Variants in CYP1B1 observed in about 807,000 individuals in gnomAD.
CYP1B1 encodes the protein cytochrome P450 family 1 subfamily B member 1.
Under a neutral mutation model 29.9 loss-of-function variants are expected in CYP1B1, and 22 were observed. That is an observed-to-expected ratio of 0.74 (90% CI 0.53 to 1.05). The LOEUF is 1.05. Among genes scored for constraint, CYP1B1 ranks in the 50% least tolerant of loss-of-function variants. The pLI is 0.00. For synonymous variants in CYP1B1, 375 were observed against 320.0 expected (o/e 1.17, Z -1.83); for missense variants, 883 against 746.9 (o/e 1.18, Z -2.12).
At position 38,070,184 on chromosome 2, in the gene CYP1B1, A is replaced by G. The variant is rs1030285578; in HGVS notation, c.*538T>C. 3 of 227,402 alleles carry G rather than the reference A, an allele frequency of 1.3e-5. No individual in the cohort carries two copies. The highest frequency in any genetic ancestry group is 2.2e-5 in the African/African-American group (1 of 44,832). The allele number at this position is 227,402 out of a possible 1,614,324, so 14.1% of individuals were successfully genotyped here. Reference sequence around the variant, plus strand: ...TCTAAGTTATTTTCCTGAAAAGGTGAAAAGGGAATTTCTGGTCTTTATCTT... The same window carrying G: ...TCTAAGTTATTTTCCTGAAAAGGTGGAAAGGGAATTTCTGGTCTTTATCTT... On this transcript the variant is annotated 3_prime_UTR_variant, in exon 3 of 3. Coordinates refer to ENST00000610745, the MANE Select transcript of CYP1B1 (RefSeq NM_000104.4).
In CYP1B1 at chr2:38,075,067, C is replaced by T; in HGVS notation, c.322G>A (p.Val108Met). 6.3e-7 allele frequency: 1 copy of T among 1,584,756 alleles called. No individual in the cohort carries two copies. Among genetic ancestry groups the T allele is most frequent in the Non-Finnish European group, 8.5e-7 (1 of 1,173,360 alleles). ...TCGGCGAAGGCCGAGCCCTGCTGCA[C>T]CAGGGCCTGGTGGATGGCGCGCTCG... ...NGERAIHQAL[V>M]QQGSAFADRP... The change falls in exon 2 of 3, where the codon GTG becomes ATG. Residue 108 changes from valine to methionine, a missense_variant. Coordinates refer to ENST00000610745, the MANE Select transcript of CYP1B1 (RefSeq NM_000104.4).
At chr2:38,074,196 C>T in intron 2 of CYP1B1, 150 bp downstream of exon 2, 1 of 871,626 alleles carries the variant, frequency 1.1e-6, no homozygotes, top group Non-Finnish European at 1.8e-6. Flanking sequence ...ACTGTGAGTC[C>T]CTTTACCGAC....
rs72549379 is a variant in CYP1B1, at chr2:38,071,264, C to T, written c.1090G>A (p.Val364Met). The T allele has an allele frequency of 2.0e-5, 32 of 1,612,972 alleles. No homozygotes were observed. In the East Asian group the frequency reaches 5.8e-4, roughly 29 times the overall value. The change falls in exon 3 of 3, where the codon GTG (valine) becomes ATG (methionine). Residue 364 changes from valine (V) to methionine (M), a missense_variant. Val to Met is a conservative substitution (Grantham distance 21, BLOSUM62 1). Transcript: ENST00000610745. ...ATACAAGGCAGACGGTCCCTCCCCA[C>T]GACCTGATCCAATTCTGCCTGCACT... is the stretch of plus-strand genomic sequence containing the variant. ...TRVQAELDQV[V>M]GRDRLPCMGD...
chr2:38,075,790 G>C lies in CYP1B1; in HGVS notation c.-12C>G, dbSNP rs1335563793. On this transcript the variant is annotated 5_prime_UTR_variant, in exon 1 of 3. Transcript: ENST00000610745. ...GGCAGACAGACTGACCTGCGGGGAG[G>C]TGCGGTTTCCAGTGGCGCGGGACAG... The C allele has an allele frequency of 3.8e-6, 1 of 263,948 alleles. No homozygotes were observed. Among genetic ancestry groups the C allele is most frequent in the East Asian group, 9.4e-5 (1 of 10,650 alleles). The allele number at this position is 263,948 out of a possible 1,614,324, so 16.4% of individuals were successfully genotyped here.
rs1682422216 is a variant in CYP1B1 at position 38,071,051 on chromosome 2, G to T, written c.1303C>A (p.Pro435Thr). Residue 435 changes from proline to threonine, a missense_variant, in exon 3 of 3, where the codon CCT becomes ACT. Physicochemically the swap from Pro to Thr is conservative, Grantham distance 38. Coordinates refer to ENST00000610745, the MANE Select transcript of CYP1B1 (RefSeq NM_000104.4). ...WSVNHDPLKW[P>T]NPENFDPARF... ...GCTGGATCAAAGTTCTCCGGGTTAG[G>T]CCACTTCAGTGGGTCATGATTCACA... is the stretch of plus-strand genomic sequence containing the variant. 6.2e-7 allele frequency: 1 copy of T among 1,613,960 alleles called. No homozygotes were observed. Among genetic ancestry groups the T allele is most frequent in the Non-Finnish European group, 8.5e-7 (1 of 1,179,864 alleles).
rs1236975925 is a variant in CYP1B1 at position 38,068,405 on chromosome 2, C to A, written c.*2317G>T. Reference sequence around the variant, plus strand: ...ATCTGATGACGACTGGGCCTACATACGTAAAAACAGATTATAGCACATCTG... The same window carrying A: ...ATCTGATGACGACTGGGCCTACATAAGTAAAAACAGATTATAGCACATCTG... On this transcript the variant is annotated 3_prime_UTR_variant, in exon 3 of 3. Coordinates refer to ENST00000610745, the MANE Select transcript of CYP1B1 (RefSeq NM_000104.4). 8.8e-6 allele frequency: 2 copies of A among 227,096 alleles called. No homozygotes were observed. Among genetic ancestry groups the A allele is most frequent in the Admixed American group, 5.7e-5 (1 of 17,554 alleles). 14.1% of individuals were successfully genotyped at this position (227,096 alleles called of 1,614,324 possible). A position where few individuals can be genotyped will look rare whatever the true frequency, so the allele number is the denominator to read the frequency against.
rs1682430706 is a variant in CYP1B1 at position 38,071,330 on chromosome 2, G to A, written c.1044-20C>T. 2 of 1,609,044 alleles carry A rather than the reference G, an allele frequency of 1.2e-6. No homozygotes were observed. The highest frequency in any genetic ancestry group is 8.5e-7 in the Non-Finnish European group (1 of 1,176,814). ...GGATACCTGTTTGGTGTTTAATGTG[G>A]AGAGAGAAAAGCAAGTGAGCAAAAT... is the stretch of plus-strand genomic sequence containing the variant. On this transcript the variant is annotated intron_variant, in intron 2 of 2. Coordinates refer to ENST00000610745, the MANE Select transcript of CYP1B1 (RefSeq NM_000104.4).
rs775055418 is a variant in CYP1B1, at chr2:38,074,891, G to A, written c.498C>T (p.Leu166=). 2 of 1,556,432 alleles carry A rather than the reference G, an allele frequency of 1.3e-6. No individual in the cohort carries two copies. The highest frequency in any genetic ancestry group is 1.7e-6 in the Non-Finnish European group (2 of 1,154,182). ...FTRQPRSRQV[L]EGHVLSEARE... is the part of the protein sequence containing the mutation. Reference sequence around the variant, plus strand: ...GCGCCTCGCTCAGCACGTGGCCCTCGAGGACTTGGCGGCTGCGCGGCTGGC... The same window carrying A: ...GCGCCTCGCTCAGCACGTGGCCCTCAAGGACTTGGCGGCTGCGCGGCTGGC... Residue 166 remains leucine (L), a synonymous_variant, in exon 2 of 3, where the codon CTC becomes CTT. Transcript: ENST00000610745.
At chr2:38,073,702 C>A (rs1034669990) in intron 2 of CYP1B1, 2 of 152,678 alleles carry the variant, frequency 1.3e-5, no homozygotes, top group African/African-American at 4.8e-5. Flanking sequence ...AAAGTGACTG[C>A]TTCTTGTCTT....
Position 38,070,657 on chromosome 2 carries a change from C to T in CYP1B1, c.*65G>A, listed in dbSNP as rs184645553. On this transcript the variant is annotated 3_prime_UTR_variant, in exon 3 of 3. Transcript: ENST00000610745. Reference sequence around the variant, plus strand: ...GCACAAAAGAGGAACTGGAAAAAAACTGAATTTTACTCCTCATCTCCGAAG... The same window carrying T: ...GCACAAAAGAGGAACTGGAAAAAAATTGAATTTTACTCCTCATCTCCGAAG... 13 of 1,452,992 alleles carry T rather than the reference C, an allele frequency of 8.9e-6. No homozygotes were observed. The Admixed American group carries it at 2.0e-4, about 23-fold the overall frequency. 90.0% of individuals were successfully genotyped at this position (1,452,992 alleles called of 1,614,324 possible).
chr2:38,070,421 T>C lies in CYP1B1; in HGVS notation c.*301A>G, dbSNP rs1682403257. The stretch of plus-strand genomic sequence containing the variant: ...GTGTTTGGGTGTATGTGTCTATATG[T>C]GCATTTTAACTCCAAAGAATGCTAC... On this transcript the variant is annotated 3_prime_UTR_variant, in exon 3 of 3. Transcript: ENST00000610745. 2.2e-6 allele frequency: 1 copy of C among 455,838 alleles called. No homozygotes were observed. The highest frequency in any genetic ancestry group is 1.9e-5 in the African/African-American group (1 of 51,704). 28.2% of individuals were successfully genotyped at this position (455,838 alleles called of 1,614,324 possible).
rs1322928147 is a variant in CYP1B1, at chr2:38,067,738, T to G, written c.*2984A>C. ...TGTTGTTTCCCCAGAATGTACTTTG[T>G]CTACAACTATGCACTGTAGCTATTA... On this transcript the variant is annotated 3_prime_UTR_variant, in exon 3 of 3. Transcript: ENST00000610745. The G allele has an allele frequency of 5.5e-6, 1 of 182,726 alleles. No homozygotes were observed. The highest frequency in any genetic ancestry group is 1.2e-5 in the Non-Finnish European group (1 of 85,716). 11.3% of individuals were successfully genotyped at this position (182,726 alleles called of 1,614,324 possible).
In CYP1B1 at chr2:38,074,992, C is replaced by T. The variant is rs779897170; in HGVS notation, c.397G>A (p.Ala133Thr). 1 of 1,588,942 alleles carries T rather than the reference C, an allele frequency of 6.3e-7. No individual in the cohort carries two copies. ...FRVVSGGRSM[A>T]FGHYSEHWKV... ...CAGTGCTCCGAGTAGTGGCCGAAAG[C>T]CATGCTGCGGCCGCCGGACACCACA... The change falls in exon 2 of 3, where the codon GCT becomes ACT. Residue 133 changes from alanine to threonine, a missense_variant. Transcript: ENST00000610745.
rs9341249 is a variant in CYP1B1, at chr2:38,074,660, C to G, written c.729G>C (p.Val243=). ...RTVGAGSLVD[V]MPWLQYFPNP... ...TGGGGAAGTACTGCAGCCAGGGCATCACGTCCACCAGGCTGCCCGCGCCCA... is the reference window on the plus strand; with the variant it reads ...TGGGGAAGTACTGCAGCCAGGGCATGACGTCCACCAGGCTGCCCGCGCCCA... The change falls in exon 2 of 3, where the codon GTG becomes GTC. Residue 243 remains valine, a synonymous_variant. Transcript: ENST00000610745. The G allele has an allele frequency of 0.013, 20,381 of 1,613,280 alleles. 1,870 individuals carry two copies. In the African/African-American group the frequency reaches 0.22, roughly 17 times the overall value.
rs1216032234 is a variant in CYP1B1, at chr2:38,070,754, G to T, written c.1600C>A (p.Gln534Lys). Reference protein sequence around the residue: ...ESMELLDSAVQNLQAKETCQ With the variant: ...ESMELLDSAVKNLQAKETCQ ...CAAGTTTCCTTGGCTTGTAAATTTT[G>T]GACAGCACTATCAAGGAGCTCCATG... is the stretch of plus-strand genomic sequence containing the variant. Residue 534 changes from glutamine to lysine, a missense_variant, in exon 3 of 3, where the codon CAA (glutamine) becomes AAA (lysine). Physicochemically the swap from Gln to Lys is moderately conservative, Grantham distance 53 (BLOSUM62 1). Coordinates refer to ENST00000610745, the MANE Select transcript of CYP1B1 (RefSeq NM_000104.4). 1 of 1,614,128 alleles carries T rather than the reference G, an allele frequency of 6.2e-7. No homozygotes were observed. The highest frequency in any genetic ancestry group is 1.7e-5 in the Admixed American group (1 of 60,012).
At chr2:38,072,801 GT>G (rs1459471882) in intron 2 of CYP1B1, among the ~76,000 whole-genome samples, 1 of 152,150 alleles carries the variant, frequency 6.6e-6, no homozygotes. Context: ...CATCGACAAT[GT>G]ATAAATGAAT....
chr2:38,071,040 C>A lies in CYP1B1; in HGVS notation c.1314G>T (p.Glu438Asp). 1 of 1,614,138 alleles carries A rather than the reference C, an allele frequency of 6.2e-7. No homozygotes were observed. The highest frequency in any genetic ancestry group is 8.5e-7 in the Non-Finnish European group (1 of 1,180,002). The change falls in exon 3 of 3, where the codon GAG becomes GAT. Residue 438 changes from glutamate to aspartate, a missense_variant. Glu to Asp is a conservative substitution (Grantham distance 45, BLOSUM62 2). Coordinates refer to ENST00000610745, the MANE Select transcript of CYP1B1 (RefSeq NM_000104.4). ...NHDPLKWPNP[E>D]NFDPARFLDK... is the part of the protein sequence containing the mutation. ...CCAAGAATCGAGCTGGATCAAAGTTCTCCGGGTTAGGCCACTTCAGTGGGT... is the reference window on the plus strand; with the variant it reads ...CCAAGAATCGAGCTGGATCAAAGTTATCCGGGTTAGGCCACTTCAGTGGGT...
chr2:38,074,541 A>G lies in CYP1B1; in HGVS notation c.848T>C (p.Leu283Pro). The stretch of plus-strand genomic sequence containing the variant: ...GTCGCGGGGGGCGGCCCCGGGCCGA[A>G]GGCTTTCGCAGTGCCTCAAGAACTT... ...LDKFLRHCESLRPGAAPRDMM... is the reference protein window; with the variant it reads ...LDKFLRHCESPRPGAAPRDMM... The change falls in exon 2 of 3, where the codon CTT becomes CCT. Residue 283 changes from leucine (L) to proline (P), a missense_variant. Leu to Pro is a moderately conservative substitution (Grantham distance 98). Coordinates refer to ENST00000610745, the MANE Select transcript of CYP1B1 (RefSeq NM_000104.4). 6.2e-7 allele frequency: 1 copy of G among 1,608,264 alleles called. No homozygotes were observed. Among genetic ancestry groups the G allele is most frequent in the Non-Finnish European group, 8.5e-7 (1 of 1,177,536 alleles).
Position 38,075,313 on chromosome 2 carries a change from G to A in CYP1B1, c.76C>T (p.Leu26Phe). The A allele has an allele frequency of 6.2e-7, 1 of 1,612,416 alleles. No homozygotes were observed. Among genetic ancestry groups the A allele is most frequent in the Non-Finnish European group, 8.5e-7 (1 of 1,179,768 alleles). ...TGCACAGTGGCCAGCACCGACAGGAGTAGCAGGAGCGTGGTCTGCTGGATG... is the reference window on the plus strand; with the variant it reads ...TGCACAGTGGCCAGCACCGACAGGAATAGCAGGAGCGTGGTCTGCTGGATG... Reference protein sequence around the residue: ...LSIQQTTLLLLLSVLATVHVG... With the variant: ...LSIQQTTLLLFLSVLATVHVG... Residue 26 changes from leucine (L) to phenylalanine (F), a missense_variant, in exon 2 of 3, where the codon CTC becomes TTC. Physicochemically the swap from Leu to Phe is conservative, Grantham distance 22. Coordinates refer to ENST00000610745, the MANE Select transcript of CYP1B1 (RefSeq NM_000104.4).
Sources: gnomAD v4.1 joint callset for allele counts (sites outside exome capture counted in the v4.1 genomes callset) on GRCh38, gnomAD v4.1.1 for gene constraint, MANE v1.5 for transcripts, NCBI Gene and HGNC (gene_info 2026-07-23, HGNC 2026-07-21) for gene names.